The following FHOD3 variants were observed in gnomAD, a reference collection of about 807,000 sequenced individuals.
FHOD3 encodes FH1/FH2 domain-containing protein 3.
FHOD3 carries 90 observed loss-of-function variants against 173.0 expected under a neutral mutation model. The observed-to-expected ratio is 0.52, with a 90% CI of 0.44 to 0.62. The LOEUF (loss-of-function observed/expected upper bound fraction) is 0.62. Among genes scored for constraint, FHOD3 ranks in the 20% least tolerant of loss-of-function variants. FHOD3 has a pLI of 0.00. For missense variants in FHOD3, 1,945 were observed against 2,034.7 expected (o/e 0.96, Z 0.85); for synonymous variants, 828 against 823.0 (o/e 1.01, Z -0.10).
intron 3 of FHOD3, among the ~76,000 whole-genome samples, chr18:36,376,742 A>G (rs150612153): frequency 7.2e-4 from 109 of 152,332 alleles, no homozygotes; most frequent in African/African-American, 2.5e-3. Flanking sequence ...AAAAGCCATC[A>G]ATGTATAATT....
chr18:36,311,443 A>G (rs967093493), intron 1 of FHOD3, among the ~76,000 whole-genome samples: 46 of 152,210 alleles, frequency 3.0e-4, no homozygotes, highest in African/African-American at 1.1e-3. Context: ...GCTGGGCTCC[A>G]TGTCAGACAG....
At chr18:36,769,459 C>T in intron 28 of FHOD3, 33 bp downstream of exon 28, 1 of 1,605,250 alleles carries the variant, frequency 6.2e-7, no homozygotes, top group Non-Finnish European at 8.5e-7. Flanking sequence ...GAGCCTTCAC[C>T]CCTACAGGGA....
intron 3 of FHOD3, among the ~76,000 whole-genome samples, chr18:36,459,921 G>T (rs1033632193): frequency 6.6e-6 from 1 of 152,048 alleles, no homozygotes; most frequent in African/African-American, 2.4e-5. Flanking sequence ...GAGTTGTCAC[G>T]CCTCCTTAGG....
chr18:36,730,984 A>G (rs542754986), intron 20 of FHOD3, among the ~76,000 whole-genome samples, 180 bp downstream of exon 20: 84 of 152,276 alleles, frequency 5.5e-4, no homozygotes, highest in South Asian at 6.2e-4. Flanking sequence ...CACTTTGCCT[A>G]TGAAGTTCAG....
Position 36,652,773 on chromosome 18 carries a change from G to T in FHOD3, c.1490G>T (p.Arg497Leu). The T allele has an allele frequency of 6.5e-7, 1 of 1,535,864 alleles. No homozygotes were observed. Among genetic ancestry groups the T allele is most frequent in the Non-Finnish European group, 8.7e-7 (1 of 1,146,696 alleles). ...ALLSPPASAARPSSATPGSLK... is the reference protein window; with the variant it reads ...ALLSPPASAALPSSATPGSLK... Reference sequence around the variant, plus strand: ...CTGTCACCCCCTGCCTCAGCTGCTCGGCCCTCCTCCGCCACACCAGGCTCC... The same window carrying T: ...CTGTCACCCCCTGCCTCAGCTGCTCTGCCCTCCTCCGCCACACCAGGCTCC... Residue 497 changes from arginine to leucine, a missense_variant, in exon 12 of 29, where the codon CGG becomes CTG. Coordinates refer to ENST00000590592, the MANE Select transcript of FHOD3 (RefSeq NM_001281740.3).
At chr18:36,496,598 G>A (rs2054755555) in intron 3 of FHOD3, among the ~76,000 whole-genome samples, 1 of 152,174 alleles carries the variant, frequency 6.6e-6, no homozygotes, top group Admixed American at 6.5e-5. Context: ...ATTGTTCTTT[G>A]TAGAGAGAGA....
chr18:36,548,144 A>G (rs2057490353), intron 5 of FHOD3, among the ~76,000 whole-genome samples: 2 of 152,156 alleles, frequency 1.3e-5, no homozygotes, highest in South Asian at 4.1e-4. Context: ...GTGAGCCGAG[A>G]TCGTGCCACT....
intron 14 of FHOD3, among the ~76,000 whole-genome samples, chr18:36,664,335 T>C (rs1005701176): frequency 1.3e-5 from 2 of 152,158 alleles, no homozygotes; most frequent in Admixed American, 6.5e-5. Flanking sequence ...CATTCAAAGA[T>C]GCTGTGTTCT....
chr18:36,621,584 T>C (rs1005853500), intron 9 of FHOD3, among the ~76,000 whole-genome samples: 2 of 152,226 alleles, frequency 1.3e-5, no homozygotes, highest in African/African-American at 2.4e-5. Context: ...CTTCCCATGA[T>C]AGCAGTGTTT....
At chr18:36,384,334 C>T (rs755629485) in intron 3 of FHOD3, among the ~76,000 whole-genome samples, 2 of 151,790 alleles carry the variant, frequency 1.3e-5, no homozygotes, top group African/African-American at 2.4e-5. Flanking sequence ...GAGCTGAGAT[C>T]GCACTACTAA....
chr18:36,705,489 T>G (rs559207082), intron 17 of FHOD3, among the ~76,000 whole-genome samples: 28 of 152,312 alleles, frequency 1.8e-4, no homozygotes, highest in African/African-American at 6.7e-4. Flanking sequence ...CCATCACTCT[T>G]ACAAAAGTAT....
chr18:36,305,659 G>A (rs1045436222), intron 1 of FHOD3, among the ~76,000 whole-genome samples: 1 of 152,042 alleles, frequency 6.6e-6, no homozygotes, highest in African/African-American at 2.4e-5. Context: ...AGAGTGGCTT[G>A]GGGTGTATAG....
intron 1 of FHOD3, among the ~76,000 whole-genome samples, chr18:36,328,523 A>G (rs1324798468): frequency 6.6e-6 from 1 of 152,110 alleles, no homozygotes; most frequent in East Asian, 1.9e-4. Context: ...GTGTCATTGT[A>G]GGGCTTACTG....
chr18:36,574,798 A>G (rs986262384), intron 5 of FHOD3, among the ~76,000 whole-genome samples: 23 of 152,160 alleles, frequency 1.5e-4, no homozygotes, highest in Admixed American at 7.9e-4. Context: ...TCTGATTAGT[A>G]GGAATATCTC....
intron 14 of FHOD3, among the ~76,000 whole-genome samples, chr18:36,664,018 A>T (rs1600145256): frequency 6.6e-6 from 1 of 151,934 alleles, no homozygotes; most frequent in African/African-American, 2.4e-5. Flanking sequence ...TGGATATGTG[A>T]TCTGGGTGTT....
At chr18:36,406,356 C>T (rs377583593) in intron 3 of FHOD3, among the ~76,000 whole-genome samples, 3 of 152,196 alleles carry the variant, frequency 2.0e-5, no homozygotes, top group South Asian at 2.1e-4. Flanking sequence ...ATTACTCTTA[C>T]GTTTTTGAGA....
intron 1 of FHOD3, among the ~76,000 whole-genome samples, chr18:36,340,968 G>A (rs1448368943): frequency 6.6e-6 from 1 of 152,132 alleles, no homozygotes; most frequent in Admixed American, 6.5e-5. Context: ...GCCTCTAAAT[G>A]TTGTTTGCTG....
At chr18:36,483,239 A>G (rs2054023277) in intron 3 of FHOD3, among the ~76,000 whole-genome samples, 1 of 152,198 alleles carries the variant, frequency 6.6e-6, no homozygotes, top group African/African-American at 2.4e-5. Flanking sequence ...GTCTTATGGT[A>G]TGTCCTGAGC....
intron 3 of FHOD3, among the ~76,000 whole-genome samples, chr18:36,412,370 A>G (rs76826033): frequency 0.21 from 32,603 of 152,182 alleles, 4,086 homozygotes; most frequent in East Asian, 0.67. Flanking sequence ...ACTAAAATTT[A>G]TAGAAATATA....
Sources: allele counts gnomAD v4.1 joint callset (sites outside exome capture counted in the v4.1 genomes callset), GRCh38; gene constraint gnomAD v4.1.1; transcripts MANE v1.5; gene names NCBI Gene and HGNC (gene_info 2026-07-23, HGNC 2026-07-21).